KMT2C: variants seen among roughly 807,000 people sequenced by gnomAD.
KMT2C encodes lysine methyltransferase 2C.
Under a neutral mutation model 507.9 loss-of-function variants are expected in KMT2C, and 88 were observed. That is an observed-to-expected ratio of 0.17 (90% CI 0.15 to 0.21). KMT2C has a LOEUF of 0.21. KMT2C is among the 10% of genes least tolerant of loss of function. KMT2C has a pLI of 1.00. For synonymous variants in KMT2C, 2,049 were observed against 2,080.8 expected (o/e 0.98, Z 0.42); for missense variants, 4,954 against 5,957.8 (o/e 0.83, Z 5.55).
intron 1 of KMT2C, among the ~76,000 whole-genome samples, chr7:152,412,107 G>T (rs2097690365): frequency 6.6e-6 from 1 of 152,234 alleles, no homozygotes; most frequent in African/African-American, 2.4e-5. Context: ...GTCTAATGAA[G>T]ATGTTGCAAC....
chr7:152,169,845 A>C (rs990268515), intron 40 of KMT2C, among the ~76,000 whole-genome samples: 4 of 152,144 alleles, frequency 2.6e-5, no homozygotes, highest in African/African-American at 4.8e-5. Context: ...TCCTGTTCCC[A>C]AAAAAATAAA....
intron 1 of KMT2C, among the ~76,000 whole-genome samples, chr7:152,415,810 G>A (rs76633813): frequency 0.045 from 4,852 of 106,934 alleles, no homozygotes; most frequent in Non-Finnish European, 0.06. Flanking sequence ...AACCTGGGAC[G>A]CGAAGGTTGC....
At chr7:152,298,671 A>G (rs1468740736) in intron 6 of KMT2C, among the ~76,000 whole-genome samples, 1 of 152,252 alleles carries the variant, frequency 6.6e-6, no homozygotes, top group Non-Finnish European at 1.5e-5. Context: ...AAATGATGTC[A>G]GATGAAAATC....
chr7:152,252,445 G>C (rs1431851161), intron 10 of KMT2C, 101 bp downstream of exon 10: 1 of 901,958 alleles, frequency 1.1e-6, no homozygotes, highest in South Asian at 1.6e-5. Flanking sequence ...TGATGGAATT[G>C]CTAGAGTGAT....
intron 6 of KMT2C, among the ~76,000 whole-genome samples, chr7:152,300,673 C>T (rs937226318): frequency 5.9e-5 from 9 of 152,168 alleles, no homozygotes; most frequent in Non-Finnish European, 1.0e-4. Context: ...CCCATGAGTC[C>T]TTCTAGCAAA....
intron 6 of KMT2C, among the ~76,000 whole-genome samples, chr7:152,297,059 G>GACAGACAGACAGACAGAAAGAAAGAA (rs1563767704): frequency 1.6e-5 from 1 of 64,396 alleles, no homozygotes; most frequent in African/African-American, 5.8e-5. Flanking sequence ...GAAAGACAGA[G>GACAGACAGACAGACAGAAAGAAAGAA]AGAGAGAGAG....
At chr7:152,145,645 G>A (rs1461542519) in intron 53 of KMT2C, among the ~76,000 whole-genome samples, 3 of 152,146 alleles carry the variant, frequency 2.0e-5, no homozygotes, top group Non-Finnish European at 4.4e-5. Context: ...GTAATGATTC[G>A]CATTGAGTTC....
intron 39 of KMT2C, among the ~76,000 whole-genome samples, chr7:152,173,698 A>T (rs1372500934): frequency 1.3e-5 from 2 of 152,138 alleles, no homozygotes; most frequent in Non-Finnish European, 2.9e-5. Flanking sequence ...ATTCCTTGTA[A>T]CTTTCTTTTT....
intron 1 of KMT2C, among the ~76,000 whole-genome samples, chr7:152,396,513 C>T (rs537430533): frequency 6.6e-6 from 1 of 152,190 alleles, no homozygotes; most frequent in South Asian, 2.1e-4. Flanking sequence ...ATGAAAGGCT[C>T]CATAAATACC....
intron 23 of KMT2C, among the ~76,000 whole-genome samples, chr7:152,213,212 C>A (rs2094495758): frequency 6.6e-6 from 1 of 152,118 alleles, no homozygotes; most frequent in South Asian, 2.1e-4. Context: ...ATAGAAAACA[C>A]AATTCTAAAA....
intron 2 of KMT2C, among the ~76,000 whole-genome samples, chr7:152,344,241 G>C (rs754971692): frequency 3.9e-5 from 6 of 152,136 alleles, no homozygotes; most frequent in Non-Finnish European, 8.8e-5. Flanking sequence ...TATATTCCAA[G>C]ACCCCAGCGG....
chr7:152,141,486 G>C (rs1563121064), intron 55 of KMT2C, among the ~76,000 whole-genome samples: 1 of 148,332 alleles, frequency 6.7e-6, no homozygotes, highest in Non-Finnish European at 1.5e-5. Flanking sequence ...GAGGTGGGCG[G>C]GTCACAAGGT....
intron 1 of KMT2C, among the ~76,000 whole-genome samples, chr7:152,401,708 C>T (rs903578275): frequency 3.9e-5 from 6 of 152,182 alleles, no homozygotes; most frequent in African/African-American, 1.4e-4. Flanking sequence ...AATAAATAAA[C>T]AAACAAAGTA....
chr7:152,181,312 G>C lies in KMT2C; in HGVS notation c.6548C>G (p.Pro2183Arg), dbSNP rs1274837940. 6.2e-7 allele frequency: 1 copy of C among 1,612,128 alleles called. No homozygotes were observed. The highest frequency in any genetic ancestry group is 1.7e-5 in the Admixed American group (1 of 59,868). The change falls in exon 36 of 59, where the codon CCA becomes CGA. Residue 2183 changes from proline to arginine, a missense_variant. By Grantham distance (103) the Pro-to-Arg change is moderately radical. Coordinates refer to ENST00000262189, the MANE Select transcript of KMT2C (RefSeq NM_170606.3). ...PYSQQPQTPR[P>R]STQTDLFVTP... ...AACAAACAAGTCAGTTTGTGTAGAT[G>C]GTCTTGGGGTTTGGGGCTGCTGACT...
At chr7:152,188,590 AT>A (rs1371669835) in intron 31 of KMT2C, among the ~76,000 whole-genome samples, 14 of 146,662 alleles carry the variant, frequency 9.5e-5, no homozygotes, top group Non-Finnish European at 1.9e-4. Flanking sequence ...AAAAAAAAAA[AT>A]CTATGATTCT....
intron 1 of KMT2C, among the ~76,000 whole-genome samples, chr7:152,390,237 A>AG (rs2097480998): frequency 6.6e-6 from 1 of 152,228 alleles, no homozygotes; most frequent in South Asian, 2.1e-4. Context: ...TAAATTGTAA[A>AG]GAAAAAAAGT....
intron 34 of KMT2C, among the ~76,000 whole-genome samples, chr7:152,184,655 C>T (rs1445509953): frequency 2.6e-5 from 4 of 152,206 alleles, no homozygotes; most frequent in African/African-American, 9.7e-5. Context: ...CCCTCTGTAT[C>T]CATGGGGTAT....
chr7:152,176,967 G>T lies in KMT2C; in HGVS notation c.8486C>A (p.Pro2829Gln). Residue 2829 changes from proline to glutamine, a missense_variant, in exon 38 of 59, where the codon CCA (proline) becomes CAA (glutamine). Pro to Gln is a moderately conservative substitution (Grantham distance 76). Coordinates refer to ENST00000262189, the MANE Select transcript of KMT2C (RefSeq NM_170606.3). The part of the protein sequence containing the change: ...TNEVKTEVLS[P>Q]NSKVESKCET... ...ACATTTGGATTCCACCTTAGAATTTGGAGACAGTACTTCCGTTTTTACCTC... is the reference window on the plus strand; with the variant it reads ...ACATTTGGATTCCACCTTAGAATTTTGAGACAGTACTTCCGTTTTTACCTC... 1.2e-6 allele frequency: 2 copies of T among 1,614,034 alleles called. No individual in the cohort carries two copies. The highest frequency in any genetic ancestry group is 1.7e-6 in the Non-Finnish European group (2 of 1,179,950).
intron 1 of KMT2C, among the ~76,000 whole-genome samples, chr7:152,431,001 C>G (rs939904924): frequency 6.6e-6 from 1 of 152,074 alleles, no homozygotes; most frequent in African/African-American, 2.4e-5. Flanking sequence ...TGCAGTTTTG[C>G]GGAACAGAGG....
Sources: allele counts gnomAD v4.1 joint callset (sites outside exome capture counted in the v4.1 genomes callset), GRCh38; gene constraint gnomAD v4.1.1; transcripts MANE v1.5; gene names NCBI Gene and HGNC (gene_info 2026-07-23, HGNC 2026-07-21).